CYRIA: variants seen among roughly 807,000 people sequenced by gnomAD.
CYRIA encodes the protein CYFIP related Rac1 interactor A.
In CYRIA, 15 loss-of-function variants were observed where a neutral mutation model predicts 43.9. The observed-to-expected ratio is 0.34, with a 90% CI of 0.23 to 0.53. The LOEUF is 0.53. Ranked by LOEUF, CYRIA falls within the 20% of genes least tolerant of loss-of-function variation. The probability of loss-of-function intolerance (pLI) is 0.94; values close to 1 mark genes in which losing one functional copy is unlikely to be tolerated. For synonymous variants in CYRIA, 117 were observed against 136.0 expected (o/e 0.86, Z 0.97); for missense variants, 236 against 394.2 (o/e 0.60, Z 3.40).
intron 2 of CYRIA, among the ~76,000 whole-genome samples, chr2:16,616,510 T>A (rs1399253292): frequency 6.6e-6 from 1 of 152,218 alleles, no homozygotes; most frequent in African/African-American, 2.4e-5. Context: ...TTCCTGCCTC[T>A]GGAATCCTAA....
intron 1 of CYRIA, among the ~76,000 whole-genome samples, chr2:16,637,960 AC>A (rs1293727951): frequency 6.6e-6 from 1 of 152,048 alleles, no homozygotes; most frequent in Non-Finnish European, 1.5e-5. Flanking sequence ...GATGCCACAG[AC>A]CCTGGAAATC....
At chr2:16,632,031 A>G (rs552528277) in intron 1 of CYRIA, among the ~76,000 whole-genome samples, 35 of 152,340 alleles carry the variant, frequency 2.3e-4, no homozygotes, top group Admixed American at 2.2e-3. Context: ...CCCAGCCTGC[A>G]GCACTATCTA....
intron 2 of CYRIA, among the ~76,000 whole-genome samples, chr2:16,590,764 A>G (rs1049822408): frequency 2.6e-5 from 4 of 152,296 alleles, no homozygotes; most frequent in East Asian, 1.9e-4. Context: ...CCTCTCAAGC[A>G]AGGACCTCTA....
In CYRIA at chr2:16,570,887, T is replaced by C. The variant is rs527569878; in HGVS notation, c.71-5120A>G. ...GAACCATATTCTAAGCTTCTAACCA[T>C]TGCCAATTATTTCACGGAAATTGAG... On this transcript the variant is annotated intron_variant, in intron 3 of 11. Coordinates refer to ENST00000381323, the MANE Select transcript of CYRIA (RefSeq NM_030797.4). Among the ~76,000 whole-genome samples the C allele has an allele frequency of 4.6e-5, 7 of 152,314 alleles. No individual in the cohort carries two copies. In the East Asian group the frequency reaches 9.7e-4, roughly 21 times the overall value.
intron 1 of CYRIA, among the ~76,000 whole-genome samples, chr2:16,663,471 A>G (rs1182828655): frequency 2.0e-5 from 3 of 152,096 alleles, no homozygotes; most frequent in Non-Finnish European, 4.4e-5. Flanking sequence ...TGAAGAAAAA[A>G]ACACCAGGGA....
chr2:16,556,730 G>T (rs956268604), intron 10 of CYRIA, among the ~76,000 whole-genome samples: 2 of 152,070 alleles, frequency 1.3e-5, no homozygotes, highest in Admixed American at 1.3e-4. Flanking sequence ...GAGAGAAGGG[G>T]CAGTGAGAGC....
chr2:16,585,287 A>C (rs1667691006), intron 3 of CYRIA, among the ~76,000 whole-genome samples: 1 of 152,122 alleles, frequency 6.6e-6, no homozygotes, highest in Non-Finnish European at 1.5e-5. Flanking sequence ...CTCTCTGGTC[A>C]GGGACAGAAC....
intron 1 of CYRIA, among the ~76,000 whole-genome samples, chr2:16,644,100 C>G (rs1365425924): frequency 6.6e-6 from 1 of 152,206 alleles, no homozygotes; most frequent in Non-Finnish European, 1.5e-5. Context: ...AGGTACCTCC[C>G]CTCTTTGAGC....
chr2:16,655,630 G>A (rs1670091423), intron 1 of CYRIA, among the ~76,000 whole-genome samples: 2 of 152,174 alleles, frequency 1.3e-5, no homozygotes, highest in African/African-American at 4.8e-5. Flanking sequence ...GTAAATGTGC[G>A]GCAACTGGAG....
chr2:16,637,036 C>T (rs1028112941), intron 1 of CYRIA, among the ~76,000 whole-genome samples: 1 of 152,142 alleles, frequency 6.6e-6, no homozygotes, highest in African/African-American at 2.4e-5. Context: ...CTGGCTATCT[C>T]CTGGGCTGAG....
chr2:16,661,275 A>C (rs1670246805), intron 1 of CYRIA, among the ~76,000 whole-genome samples: 1 of 152,132 alleles, frequency 6.6e-6, no homozygotes, highest in Non-Finnish European at 1.5e-5. Flanking sequence ...ACCCTGTCTC[A>C]AAAAAAGAAA....
chr2:16,573,813 A>G (rs1318509327), intron 3 of CYRIA, among the ~76,000 whole-genome samples: 1 of 152,228 alleles, frequency 6.6e-6, no homozygotes, highest in Non-Finnish European at 1.5e-5. Flanking sequence ...GTGGAACTGT[A>G]AGTCCATTAA....
chr2:16,558,688 T>C (rs1666616574), intron 10 of CYRIA, among the ~76,000 whole-genome samples: 1 of 152,102 alleles, frequency 6.6e-6, no homozygotes, highest in African/African-American at 2.4e-5. Context: ...CATTCATCCA[T>C]CAAAACACCT....
At chr2:16,628,990 C>T (rs890574905) in intron 1 of CYRIA, among the ~76,000 whole-genome samples, 1 of 152,106 alleles carries the variant, frequency 6.6e-6, no homozygotes, top group Non-Finnish European at 1.5e-5. Flanking sequence ...TTCCTTGTGC[C>T]CTGGAAGCCC....
intron 1 of CYRIA, among the ~76,000 whole-genome samples, chr2:16,636,141 C>A (rs1490692462): frequency 1.3e-5 from 2 of 152,096 alleles, no homozygotes; most frequent in Non-Finnish European, 2.9e-5. Context: ...ACAGCCGTTG[C>A]TGGAAGTCCC....
intron 1 of CYRIA, among the ~76,000 whole-genome samples, chr2:16,654,029 T>C (rs910197994): frequency 8.6e-5 from 13 of 152,046 alleles, no homozygotes; most frequent in African/African-American, 3.1e-4. Flanking sequence ...AGCCAGCAGA[T>C]TGAGTTATGA....
chr2:16,654,575 C>T (rs1421829111), intron 1 of CYRIA, among the ~76,000 whole-genome samples: 3 of 152,118 alleles, frequency 2.0e-5, no homozygotes, highest in Non-Finnish European at 4.4e-5. Context: ...TAGAGCCAGG[C>T]CGACTTCAAC....
chr2:16,564,223 G>T, intron 4 of CYRIA, 129 bp from the exon 5 acceptor site: 1 of 619,336 alleles, frequency 1.6e-6, no homozygotes, highest in Non-Finnish European at 2.7e-6. Context: ...AATCAACACC[G>T]GTTCATCGGA....
chr2:16,578,659 T>A (rs1406235311), intron 3 of CYRIA, among the ~76,000 whole-genome samples: 1 of 152,134 alleles, frequency 6.6e-6, no homozygotes, highest in East Asian at 1.9e-4. Flanking sequence ...CCTTGATACA[T>A]TTATCATTAG....
Sources: allele counts gnomAD v4.1 joint callset (sites outside exome capture counted in the v4.1 genomes callset), GRCh38; gene constraint gnomAD v4.1.1; transcripts MANE v1.5; gene names NCBI Gene and HGNC (gene_info 2026-07-23, HGNC 2026-07-21).